Variants in PNKD observed in about 807,000 individuals in gnomAD.
PNKD encodes the protein PNKD metallo-beta-lactamase domain containing, also known as probable thioesterase PNKD.
Under a neutral mutation model 45.3 loss-of-function variants are expected in PNKD, and 36 were observed. The observed-to-expected ratio is 0.80, with a 90% confidence interval of 0.61 to 1.05. The LOEUF (loss-of-function observed/expected upper bound fraction) is 1.05, where lower values mean the gene tolerates loss of function less well. Ranked by LOEUF, PNKD falls within the 50% of genes least tolerant of loss-of-function variation. PNKD has a pLI of 0.00. For missense variants in PNKD, 511 were observed against 506.6 expected (o/e 1.01, Z -0.08); for synonymous variants, 197 against 210.1 (o/e 0.94, Z 0.54).
At chr2:218,279,057 C>T in intron 2 of PNKD, 7 of 1,614,160 alleles carry the variant, frequency 4.3e-6, no homozygotes, top group Non-Finnish European at 5.9e-6. Flanking sequence ...TAGTAGACAG[C>T]CACATTTCTC....
chr2:218,308,529 G>A (rs1381875263), intron 2 of PNKD, among the ~76,000 whole-genome samples: 4 of 149,714 alleles, frequency 2.7e-5, no homozygotes, highest in African/African-American at 4.9e-5. Context: ...AGGTACAATC[G>A]TATCAGTTAT....
At position 218,279,090 on chromosome 2, in the gene PNKD, C is replaced by T. The variant is rs754466384; in HGVS notation, c.236+7541C>T. The T allele has an allele frequency of 3.7e-6, 6 of 1,614,140 alleles. No individual in the cohort carries two copies. In the East Asian group the frequency reaches 1.3e-4, roughly 36 times the overall value. ...CTCCTCACAAAGGCGCTGACAGGTT[C>T]CCTGTGGGGCACAGGAGGACAGGAG... On this transcript the variant is annotated intron_variant, in intron 2 of 9. Transcript: ENST00000273077.
At chr2:218,282,075 G>T in intron 2 of PNKD, 1 of 1,595,704 alleles carries the variant, frequency 6.3e-7, no homozygotes, top group South Asian at 1.1e-5. Context: ...TAGCCCCCAG[G>T]GGGCGGAGGG....
At chr2:218,279,150 C>A (rs1425191072) in intron 2 of PNKD, 2 of 1,606,512 alleles carry the variant, frequency 1.2e-6, no homozygotes, top group African/African-American at 2.7e-5. Flanking sequence ...CCACCCAGGC[C>A]AGCCAGGCAG....
chr2:218,330,227 C>A (rs933813945), intron 2 of PNKD, among the ~76,000 whole-genome samples: 1 of 152,254 alleles, frequency 6.6e-6, no homozygotes, highest in African/African-American at 2.4e-5. Context: ...TCCTACTCCC[C>A]CTGGCCTGAG....
chr2:218,282,061 C>T (rs1167264694), intron 2 of PNKD: 2 of 1,598,326 alleles, frequency 1.3e-6, no homozygotes, highest in Middle Eastern at 2.1e-4. Context: ...CAGATGGCTG[C>T]CCATAGCCCC....
chr2:218,328,225 C>T (rs1694212744), intron 2 of PNKD, among the ~76,000 whole-genome samples: 3 of 152,130 alleles, frequency 2.0e-5, no homozygotes, highest in African/African-American at 4.8e-5. Flanking sequence ...TTCTGCCGGT[C>T]GTAATCCCAG....
chr2:218,281,231 T>C (rs910855855), intron 2 of PNKD, among the ~76,000 whole-genome samples: 8 of 140,032 alleles, frequency 5.7e-5, no homozygotes, highest in African/African-American at 2.1e-4. Flanking sequence ...CCTCCTGGGA[T>C]TGCAAGCGAT....
intron 2 of PNKD, chr2:218,334,877 A>G (rs1408575410): frequency 1.6e-6 from 1 of 644,220 alleles, no homozygotes; most frequent in Non-Finnish European, 2.8e-6. Context: ...CCTCTTTCTC[A>G]TCATACTTGG....
intron 2 of PNKD, among the ~76,000 whole-genome samples, chr2:218,334,095 A>G (rs1391379659): frequency 6.6e-6 from 1 of 151,514 alleles, no homozygotes; most frequent in African/African-American, 2.4e-5. Context: ...TGCCCGGATG[A>G]CAGAGCAAGT....
Position 218,344,570 on chromosome 2 carries a change from G to A in PNKD, c.984G>A (p.Thr328=), listed in dbSNP as rs371356115. Reference sequence around the variant, plus strand: ...GGCAGCGGCTGGAGCGCAAGGGCACGGTGAGGGACTCGGGGTCCAGGAGGA... The same window carrying A: ...GGCAGCGGCTGGAGCGCAAGGGCACAGTGAGGGACTCGGGGTCCAGGAGGA... The part of the protein sequence containing the change: ...VQRQRLERKG[T]CPSTLGEERS... The change falls in exon 9 of 10, where the codon ACG becomes ACA. Residue 328 remains threonine (T), a splice_region_variant and synonymous_variant. Coordinates refer to ENST00000273077, the MANE Select transcript of PNKD (RefSeq NM_015488.5). The A allele has an allele frequency of 3.7e-5, 58 of 1,588,784 alleles. No individual in the cohort carries two copies. The highest frequency in any genetic ancestry group is 3.3e-4 in the Middle Eastern group (2 of 6,018).
At chr2:218,279,314 C>A (rs752137980) in intron 2 of PNKD, 1 of 1,588,950 alleles carries the variant, frequency 6.3e-7, no homozygotes. Context: ...GCAATGATGG[C>A]CACAGTGATG....
chr2:218,283,006 AC>A (rs1220109518), intron 2 of PNKD, among the ~76,000 whole-genome samples: 1 of 151,962 alleles, frequency 6.6e-6, no homozygotes, highest in African/African-American at 2.4e-5. Flanking sequence ...CCTTACCCCC[AC>A]CCTGGAGGGG....
intron 2 of PNKD, chr2:218,279,197 C>T (rs1359606383): frequency 6.4e-7 from 1 of 1,571,348 alleles, no homozygotes; most frequent in Non-Finnish European, 8.7e-7. Context: ...CATGGTCACC[C>T]TGAGAGCAGG....
intron 2 of PNKD, among the ~76,000 whole-genome samples, chr2:218,324,282 G>A (rs1694080774): frequency 6.6e-6 from 1 of 152,150 alleles, no homozygotes; most frequent in Non-Finnish European, 1.5e-5. Flanking sequence ...CCAGTTTAGG[G>A]ACAGTAATGT....
chr2:218,288,201 G>A (rs980077429), intron 2 of PNKD, among the ~76,000 whole-genome samples: 7 of 145,680 alleles, frequency 4.8e-5, no homozygotes, highest in Non-Finnish European at 1.1e-4. Flanking sequence ...GGCCAAGGCG[G>A]GCGGATCACG....
rs777779692 is a variant in PNKD, at chr2:218,270,572, CG to C, written c.43del (p.Ala15ArgfsTer58). ...AVVAATALKGRGARNARVLRG... is the reference protein window; with the variant it reads ...AVVAATALKGXGARNARVLRG... Reference sequence around the variant, plus strand: ...GGTAGCTGCTACGGCGCTGAAGGGCCGGGGGGCGAGAAATGCCCGCGTCCTC... The same window carrying C: ...GGTAGCTGCTACGGCGCTGAAGGGCCGGGGGCGAGAAATGCCCGCGTCCTC... On this transcript the variant is annotated frameshift_variant, in exon 1 of 10. Transcript: ENST00000273077. LOFTEE classifies it high-confidence loss of function. The C allele has an allele frequency of 1.9e-5, 23 of 1,193,620 alleles. No homozygotes were observed. Among genetic ancestry groups the C allele is most frequent in the South Asian group, 6.7e-5 (2 of 29,780 alleles). The allele number at this position is 1,193,620 out of a possible 1,614,324, so 73.9% of individuals were successfully genotyped here. A position where few individuals can be genotyped will look rare whatever the true frequency, so the allele number is the denominator to read the frequency against.
intron 2 of PNKD, chr2:218,323,360 C>T (rs769947596): frequency 2.5e-6 from 4 of 1,581,858 alleles, no homozygotes; most frequent in East Asian, 2.4e-5. Flanking sequence ...TGAGCCCCCG[C>T]GGCTGCCGAG....
intron 2 of PNKD, among the ~76,000 whole-genome samples, chr2:218,295,018 T>C (rs900643125): frequency 1.3e-5 from 2 of 152,082 alleles, no homozygotes; most frequent in Non-Finnish European, 2.9e-5. Context: ...CAACCAGCAA[T>C]CACCAGCGAC....
Sources: gnomAD v4.1 joint callset for allele counts (sites outside exome capture counted in the v4.1 genomes callset) on GRCh38, gnomAD v4.1.1 for gene constraint, MANE v1.5 for transcripts, NCBI Gene and HGNC (gene_info 2026-07-23, HGNC 2026-07-21) for gene names.